The following R3HCC1L variants were observed in gnomAD, a reference collection of about 807,000 sequenced individuals.
R3HCC1L encodes the protein coiled-coil domain-containing protein R3HCC1L.
A neutral mutation model predicts 59.9 loss-of-function variants in R3HCC1L; 51 were observed. The ratio of observed to expected loss-of-function variants is 0.85; its 90% confidence interval spans 0.68 to 1.07. The LOEUF (loss-of-function observed/expected upper bound fraction) is 1.07, where lower values mean the gene tolerates loss of function less well. Ranked by LOEUF, R3HCC1L falls within the 50% of genes least tolerant of loss-of-function variation. The pLI is 0.00. For synonymous variants in R3HCC1L, 322 were observed against 315.2 expected, an observed-to-expected ratio of 1.02 and a Z score of -0.23; for missense variants, 965 against 933.0, an observed-to-expected ratio of 1.03 and a Z score of -0.45.
At chr10:98,238,266 A>C (rs1483885502) in intron 9 of R3HCC1L, among the ~76,000 whole-genome samples, 1 of 152,186 alleles carries the variant, frequency 6.6e-6, no homozygotes, top group Non-Finnish European at 1.5e-5. Flanking sequence ...TTTGGCATTC[A>C]CTGAGCACCT....
intron 5 of R3HCC1L, among the ~76,000 whole-genome samples, chr10:98,226,501 G>C (rs1332326771): frequency 1.3e-5 from 2 of 152,200 alleles, no homozygotes; most frequent in Admixed American, 6.5e-5. Context: ...TACATATTCA[G>C]TGCAATCCCA....
At chr10:98,196,037 C>T (rs1270361172) in intron 4 of R3HCC1L, among the ~76,000 whole-genome samples, 1 of 152,146 alleles carries the variant, frequency 6.6e-6, no homozygotes, top group Non-Finnish European at 1.5e-5. Context: ...TGTATAAATA[C>T]TGAGTCTCAA....
At chr10:98,242,280 C>T (rs1857608144) in intron 9 of R3HCC1L, among the ~76,000 whole-genome samples, 1 of 152,032 alleles carries the variant, frequency 6.6e-6, no homozygotes, top group South Asian at 2.1e-4. Flanking sequence ...ACCTGGGAGG[C>T]GGAGGTTGCA....
chr10:98,210,341 A>G (rs1310062864), intron 5 of R3HCC1L, among the ~76,000 whole-genome samples: 1 of 152,202 alleles, frequency 6.6e-6, no homozygotes, highest in East Asian at 1.9e-4. Context: ...AGGGTAAAAT[A>G]CAAGAAAGTA....
chr10:98,138,809 T>G (rs1844840431), intron 1 of R3HCC1L, among the ~76,000 whole-genome samples: 1 of 152,134 alleles, frequency 6.6e-6, no homozygotes, highest in Non-Finnish European at 1.5e-5. Context: ...TAACTTTGGT[T>G]CATATGATCA....
intron 4 of R3HCC1L, chr10:98,186,363 T>C: frequency 2.4e-6 from 1 of 411,496 alleles, no homozygotes; most frequent in South Asian, 1.0e-4. Context: ...CAAACCTTGC[T>C]CTTTTGGAAC....
intron 1 of R3HCC1L, among the ~76,000 whole-genome samples, chr10:98,143,312 G>A (rs548966718): frequency 1.4e-4 from 22 of 152,280 alleles, no homozygotes; most frequent in African/African-American, 5.1e-4. Context: ...ACCATCACAC[G>A]TAACTGTTTC....
intron 4 of R3HCC1L, among the ~76,000 whole-genome samples, chr10:98,183,029 C>T (rs1293196491): frequency 1.3e-5 from 2 of 152,138 alleles, no homozygotes; most frequent in Non-Finnish European, 2.9e-5. Context: ...CTTCAGCTCA[C>T]CCTCTGTCGG....
intron 5 of R3HCC1L, among the ~76,000 whole-genome samples, chr10:98,224,760 G>A (rs866251574): frequency 3.3e-5 from 5 of 152,234 alleles, no homozygotes; most frequent in Middle Eastern, 3.4e-3. Flanking sequence ...AATTCTAAAC[G>A]TCTACCATCT....
intron 4 of R3HCC1L, among the ~76,000 whole-genome samples, chr10:98,183,155 C>G (rs1010449982): frequency 5.3e-5 from 8 of 152,174 alleles, no homozygotes; most frequent in African/African-American, 1.9e-4. Context: ...GGAGCTGTTC[C>G]TATTCGGCCG....
At chr10:98,144,029 G>A (rs1316436599) in intron 1 of R3HCC1L, among the ~76,000 whole-genome samples, 1 of 151,926 alleles carries the variant, frequency 6.6e-6, no homozygotes, top group East Asian at 1.9e-4. Context: ...TATATAGTGG[G>A]TCGGGGCAGT....
intron 4 of R3HCC1L, 94 bp from the exon 5 acceptor site, chr10:98,208,007 A>T (rs1852910244): frequency 8.6e-7 from 1 of 1,158,998 alleles, no homozygotes; most frequent in East Asian, 2.6e-5. Context: ...CCTGGGTGAC[A>T]GTGTGAGACT....
chr10:98,203,966 T>TTTTGAACA (rs1215763794), intron 4 of R3HCC1L, among the ~76,000 whole-genome samples: 1 of 152,188 alleles, frequency 6.6e-6, no homozygotes, highest in Non-Finnish European at 1.5e-5. Context: ...AAAGTGTGAT[T>TTTTGAACA]TTTGAACAGA....
intron 4 of R3HCC1L, among the ~76,000 whole-genome samples, chr10:98,205,297 G>C (rs1239456634): frequency 6.6e-6 from 1 of 151,946 alleles, no homozygotes; most frequent in Non-Finnish European, 1.5e-5. Flanking sequence ...TCTATATTTG[G>C]TGATCTCACA....
At chr10:98,186,826 G>C (rs993815982) in intron 4 of R3HCC1L, among the ~76,000 whole-genome samples, 2 of 152,228 alleles carry the variant, frequency 1.3e-5, no homozygotes, top group Admixed American at 1.3e-4. Context: ...GTTAGAGTTA[G>C]GCAGTCATGA....
At chr10:98,211,680 C>A (rs559795399) in intron 5 of R3HCC1L, among the ~76,000 whole-genome samples, 23 of 152,186 alleles carry the variant, frequency 1.5e-4, no homozygotes, top group African/African-American at 5.5e-4. Context: ...GTGTAGTACT[C>A]AGTAAATATT....
intron 4 of R3HCC1L, among the ~76,000 whole-genome samples, chr10:98,193,249 T>A (rs1334074634): frequency 6.6e-6 from 1 of 151,904 alleles, no homozygotes; most frequent in Non-Finnish European, 1.5e-5. Flanking sequence ...TCTTCAACAT[T>A]GTAATAGAAA....
At chr10:98,167,388 C>T (rs1267189924) in intron 4 of R3HCC1L, among the ~76,000 whole-genome samples, 1 of 152,230 alleles carries the variant, frequency 6.6e-6, no homozygotes, top group Non-Finnish European at 1.5e-5. Context: ...AGGCACATTT[C>T]ACACCTGCTG....
intron 5 of R3HCC1L, among the ~76,000 whole-genome samples, chr10:98,212,308 T>G (rs796392655): frequency 2.5e-4 from 38 of 152,266 alleles, no homozygotes; most frequent in African/African-American, 9.1e-4. Flanking sequence ...TTGAAAACTT[T>G]CCAACTAAAG....
Sources: allele counts gnomAD v4.1 joint callset (sites outside exome capture counted in the v4.1 genomes callset), GRCh38; gene constraint gnomAD v4.1.1; transcripts MANE v1.5; gene names NCBI Gene and HGNC (gene_info 2026-07-23, HGNC 2026-07-21).